Variants in PREX1 observed in about 807,000 individuals in gnomAD.
PREX1 encodes the protein phosphatidylinositol 3,4,5-trisphosphate-dependent Rac exchanger 1 protein.
A neutral mutation model predicts 198.3 loss-of-function variants in PREX1; 41 were observed. That is an observed-to-expected ratio of 0.21 (90% CI 0.16 to 0.27). The LOEUF (loss-of-function observed/expected upper bound fraction) is 0.27. PREX1 is among the 10% of genes least tolerant of loss of function. The pLI, the probability that PREX1 is intolerant of heterozygous loss-of-function variation, is 1.00. For synonymous variants in PREX1, 843 were observed against 887.2 expected, an observed-to-expected ratio of 0.95 and a Z score of 0.89; for missense variants, 1,620 against 2,200.7, an observed-to-expected ratio of 0.74 and a Z score of 5.28.
At chr20:48,627,298 T>C (rs1459271173) in intron 39 of PREX1, among the ~76,000 whole-genome samples, 1 of 147,820 alleles carries the variant, frequency 6.8e-6, no homozygotes, top group Admixed American at 6.8e-5. Context: ...GGGCACAGTG[T>C]AGTGAGGTGG....
chr20:48,804,627 C>T (rs954173558), intron 1 of PREX1, among the ~76,000 whole-genome samples: 2 of 152,092 alleles, frequency 1.3e-5, no homozygotes, highest in South Asian at 2.1e-4. Context: ...ACCTGATTTA[C>T]GCAGGGTACA....
intron 5 of PREX1, among the ~76,000 whole-genome samples, chr20:48,713,647 G>A (rs1281062588): frequency 6.6e-6 from 1 of 151,772 alleles, no homozygotes; most frequent in Non-Finnish European, 1.5e-5. Flanking sequence ...TGAGGTGGGA[G>A]GATCACTTGG....
rs73140181 is a variant in PREX1, at chr20:48,639,526, A to G, written c.3904+240T>C. The stretch of plus-strand genomic sequence containing the variant: ...TTTGTTTTGTTTTGTTTTGTTTCTG[A>G]TTTTTGTTTTGATAGAGACAGGGTC... On this transcript the variant is annotated intron_variant, in intron 30 of 39. Coordinates refer to ENST00000371941, the MANE Select transcript of PREX1 (RefSeq NM_020820.4). 5.1e-3 allele frequency among the ~76,000 whole-genome samples: 772 copies of G among 151,726 alleles called. 2 individuals carry two copies. Among genetic ancestry groups the G allele is most frequent in the Non-Finnish European group, 7.4e-3 (502 of 67,974 alleles).
intron 33 of PREX1, among the ~76,000 whole-genome samples, chr20:48,634,462 G>T (rs2089345213): frequency 6.6e-6 from 1 of 152,194 alleles, no homozygotes; most frequent in Non-Finnish European, 1.5e-5. Flanking sequence ...AAATAGCCGG[G>T]TTCATACAAA....
Position 48,666,274 on chromosome 20 carries a change from G to A in PREX1, c.1738+9C>T. On this transcript the variant is annotated intron_variant, in intron 15 of 39. Transcript: ENST00000371941. The surrounding 1 kb of genome is among the most constrained non-coding windows in gnomAD (Gnocchi z 4.3). ...TCCCGGGGGCTGGGCTGCAGGTGGG[G>A]GTGGTTACCGTGGTGCATGAAGCCA... The A allele has an allele frequency of 6.4e-7, 1 of 1,559,008 alleles. No individual in the cohort carries two copies. Among genetic ancestry groups the A allele is most frequent in the Non-Finnish European group, 8.7e-7 (1 of 1,151,944 alleles).
At chr20:48,786,362 G>A (rs1430327578) in intron 1 of PREX1, among the ~76,000 whole-genome samples, 3 of 152,142 alleles carry the variant, frequency 2.0e-5, no homozygotes, top group African/African-American at 7.2e-5. Flanking sequence ...TAGAACCTGG[G>A]CCCAAGACAT....
intron 25 of PREX1, among the ~76,000 whole-genome samples, chr20:48,648,851 C>T (rs1219584016): frequency 2.0e-5 from 3 of 152,208 alleles, no homozygotes; most frequent in Non-Finnish European, 4.4e-5. Flanking sequence ...GAGATGACAG[C>T]TCTGTATCTG....
intron 1 of PREX1, among the ~76,000 whole-genome samples, chr20:48,816,009 CA>C (rs1161925169): frequency 9.4e-5 from 6 of 64,018 alleles, no homozygotes; most frequent in South Asian, 5.3e-4. Flanking sequence ...GACTCTGTCT[CA>C]AAAAAAAAAG....
At chr20:48,802,901 G>T (rs1358468518) in intron 1 of PREX1, among the ~76,000 whole-genome samples, 1 of 152,220 alleles carries the variant, frequency 6.6e-6, no homozygotes, top group Non-Finnish European at 1.5e-5. Flanking sequence ...CCCAAGCTGG[G>T]GAGTGAGGAG....
rs751883767 is a variant in PREX1, at chr20:48,627,540, C to A, written c.4937+8G>T. 14 of 1,613,764 alleles carry A rather than the reference C, an allele frequency of 8.7e-6. No homozygotes were observed. The highest frequency in any genetic ancestry group is 1.2e-5 in the Non-Finnish European group (14 of 1,179,952). On this transcript the variant is annotated splice_region_variant and intron_variant, in intron 39 of 39. Transcript: ENST00000371941. Reference sequence around the variant, plus strand: ...GGACAGGAAGGGGCGGACGAGGCAGCCACTCACCGCGGAGCACCCTGGGGC... The same window carrying A: ...GGACAGGAAGGGGCGGACGAGGCAGACACTCACCGCGGAGCACCCTGGGGC...
intron 1 of PREX1, among the ~76,000 whole-genome samples, chr20:48,789,507 T>C (rs6019420): frequency 0.86 from 131,517 of 152,226 alleles, 56,949 homozygotes; most frequent in Non-Finnish European, 0.9. Context: ...CCCCGTGCTA[T>C]AGATAAGGGA....
chr20:48,652,644 C>G lies in PREX1; in HGVS notation c.2409G>C (p.Glu803Asp). 6.2e-7 allele frequency: 1 copy of G among 1,613,812 alleles called. No individual in the cohort carries two copies. Among genetic ancestry groups the G allele is most frequent in the African/African-American group, 1.3e-5 (1 of 75,030 alleles). ...EDAQEARASQ[E>D]ASTEDPSGEQ... is the part of the protein sequence containing the mutation. The stretch of plus-strand genomic sequence containing the variant: ...CGCCACTGGGGTCCTCAGTGGAGGC[C>G]TCCTGACTGGCTCGTGCTTCCTGGG... Residue 803 changes from glutamate (E) to aspartate (D), a missense_variant, in exon 21 of 40, where the codon GAG becomes GAC. Transcript: ENST00000371941.
the PREX1 span, among the ~76,000 whole-genome samples, chr20:48,875,829 C>T: frequency 3.3e-5 from 5 of 152,188 alleles, no homozygotes; most frequent in East Asian, 3.9e-4. Context: ...AAAGGGACGA[C>T]GGGCAGAAGG....
intron 3 of PREX1, among the ~76,000 whole-genome samples, chr20:48,742,616 G>A (rs1431048907): frequency 6.6e-6 from 1 of 152,204 alleles, no homozygotes; most frequent in African/African-American, 2.4e-5. Context: ...CTGATGGTAA[G>A]TGCAGCCTTC....
chr20:48,692,827 C>G, intron 7 of PREX1, 37 bp from the exon 8 acceptor site: 1 of 1,544,898 alleles, frequency 6.5e-7, no homozygotes, highest in Non-Finnish European at 8.9e-7. Flanking sequence ...CCCTACACGT[C>G]ACCTCCCAGA....
At chr20:48,734,255 T>G (rs1391996931) in intron 4 of PREX1, among the ~76,000 whole-genome samples, 1 of 152,182 alleles carries the variant, frequency 6.6e-6, no homozygotes, top group Non-Finnish European at 1.5e-5. Context: ...AAATAAAGTT[T>G]TATTGCCACA....
At position 48,764,874 on chromosome 20, in the gene PREX1, C is replaced by T. The variant is rs190839177; in HGVS notation, c.220-16994G>A. On this transcript the variant is annotated intron_variant, in intron 1 of 39. Transcript: ENST00000371941. Reference sequence around the variant, plus strand: ...AGGAAGACCAGAAGACGCTATGCTGCTGGCTGGGAGATGGACGAGGCCACA... The same window carrying T: ...AGGAAGACCAGAAGACGCTATGCTGTTGGCTGGGAGATGGACGAGGCCACA... Among the ~76,000 whole-genome samples the T allele has an allele frequency of 5.9e-5, 9 of 151,870 alleles. No homozygotes were observed. In the East Asian group the frequency reaches 1.5e-3, roughly 26 times the overall value.
upstream of PREX1, among the ~76,000 whole-genome samples, chr20:48,830,563 A>T (rs921401326): frequency 2.0e-5 from 3 of 152,188 alleles, no homozygotes; most frequent in African/African-American, 7.2e-5. Context: ...CATTTCACCC[A>T]AGAATTGGCC....
Position 48,634,155 on chromosome 20 carries a change from GATGGATGGATGGATGGATGC to G in PREX1, c.4267+501_4267+520del, listed in dbSNP as rs771433959. 6.4e-3 allele frequency among the ~76,000 whole-genome samples: 751 copies of G among 116,718 alleles called. 6 individuals carry two copies. Among genetic ancestry groups the G allele is most frequent in the African/African-American group, 0.016 (568 of 35,060 alleles). 76.6% of individuals were successfully genotyped at this position (116,718 alleles called of 152,430 possible). A position where few individuals can be genotyped will look rare whatever the true frequency, so the allele number is the denominator to read the frequency against. ...GGACACATGGGTGGGTGGATGGATG[GATGGATGGATGGATGGATGC>G]ATGGATGGATGGATGGATGGATGGA... On this transcript the variant is annotated intron_variant, in intron 33 of 39. Coordinates refer to ENST00000371941, the MANE Select transcript of PREX1 (RefSeq NM_020820.4).
Sources: gnomAD v4.1 joint callset for allele counts (sites outside exome capture counted in the v4.1 genomes callset) on GRCh38, gnomAD v4.1.1 for gene constraint, Gnocchi (gnomAD v3.1) non-coding constraint, MANE v1.5 for transcripts, NCBI Gene and HGNC (gene_info 2026-07-23, HGNC 2026-07-21) for gene names.